The following MAP3K5 variants were observed in gnomAD, a reference collection of about 807,000 sequenced individuals.
MAP3K5 encodes ASK-1.
A neutral mutation model predicts 158.7 loss-of-function variants in MAP3K5; 56 were observed. That is an observed-to-expected ratio of 0.35 (90% CI 0.28 to 0.44). The LOEUF (loss-of-function observed/expected upper bound fraction) is 0.44, where lower values mean the gene tolerates loss of function less well. Ranked by LOEUF, MAP3K5 falls within the 20% of genes least tolerant of loss-of-function variation. The probability of loss-of-function intolerance (pLI) is 1.00; values close to 1 mark genes in which losing one functional copy is unlikely to be tolerated. For synonymous variants in MAP3K5, 579 were observed against 601.7 expected (o/e 0.96, Z 0.55); for missense variants, 1,294 against 1,674.8 (o/e 0.77, Z 3.97).
chr6:136,781,570 C>T (rs1784613392), intron 1 of MAP3K5, among the ~76,000 whole-genome samples: 1 of 152,170 alleles, frequency 6.6e-6, no homozygotes, highest in Non-Finnish European at 1.5e-5. Flanking sequence ...CCTATTCAAC[C>T]ACTTGATTTA....
intron 23 of MAP3K5, among the ~76,000 whole-genome samples, chr6:136,590,104 T>C (rs913411739): frequency 2.0e-4 from 30 of 152,186 alleles, no homozygotes; most frequent in Admixed American, 2.0e-3. Context: ...ATAAAGCCAG[T>C]TGGCTCTCCT....
chr6:136,791,561 G>A, intron 1 of MAP3K5, 149 bp downstream of exon 1: 1 of 809,008 alleles, frequency 1.2e-6, no homozygotes, highest in Non-Finnish European at 2.0e-6. Context: ...AGCGGCGAGC[G>A]ACAGGAGCAG....
intron 7 of MAP3K5, among the ~76,000 whole-genome samples, chr6:136,669,991 TAC>T (rs1779413231): frequency 6.6e-6 from 1 of 151,906 alleles, no homozygotes; most frequent in African/African-American, 2.4e-5. Flanking sequence ...CTTAAAAATA[TAC>T]AGAGCACTGA....
intron 1 of MAP3K5, among the ~76,000 whole-genome samples, chr6:136,760,736 G>A (rs1453510804): frequency 6.6e-6 from 1 of 152,212 alleles, no homozygotes; most frequent in African/African-American, 2.4e-5. Flanking sequence ...TTGGGAGGCT[G>A]AGGTGGGTGG....
At position 136,657,162 on chromosome 6, in the gene MAP3K5, T is replaced by C. The variant is rs373504700; in HGVS notation, c.1527-702A>G. ...TCCTAAATAGACACTTCATAAGAGA[T>C]CATTATTTAGCTCTGAAGCAACTCA... On this transcript the variant is annotated intron_variant, in intron 9 of 29. Coordinates refer to ENST00000359015, the MANE Select transcript of MAP3K5 (RefSeq NM_005923.4). Among the ~76,000 whole-genome samples, 191 of 152,308 alleles carry C rather than the reference T, an allele frequency of 1.3e-3. 4 individuals are homozygous for C. In the South Asian group the frequency reaches 0.039, roughly 31 times the overall value.
chr6:136,694,821 C>T (rs114079277), intron 6 of MAP3K5, among the ~76,000 whole-genome samples: 1,641 of 152,280 alleles, frequency 0.011, 24 homozygotes, highest in African/African-American at 0.036. Flanking sequence ...AAGGAAGTTG[C>T]TTTATGTAGC....
chr6:136,728,670 A>G (rs893812855), intron 1 of MAP3K5, among the ~76,000 whole-genome samples: 1 of 152,202 alleles, frequency 6.6e-6, no homozygotes, highest in Non-Finnish European at 1.5e-5. Context: ...AACTCTAATA[A>G]ATGTATGCAT....
chr6:136,562,696 A>T, intron 26 of MAP3K5, 81 bp from the exon 27 acceptor site: 2 of 702,084 alleles, frequency 2.8e-6, no homozygotes, highest in Non-Finnish European at 4.7e-6. Context: ...TTTAGATACA[A>T]GGTCTCTCTC....
At chr6:136,759,479 T>TATATATATATATATATAA in intron 1 of MAP3K5, among the ~76,000 whole-genome samples, 1 of 142,730 alleles carries the variant, frequency 7.0e-6, no homozygotes, top group Non-Finnish European at 1.5e-5. Context: ...TATATATATA[T>TATATATATATATATATAA]ATAAAGTTTG....
At chr6:136,720,347 A>C in intron 2 of MAP3K5, 103 bp downstream of exon 2, 1 of 1,129,006 alleles carries the variant, frequency 8.9e-7, no homozygotes, top group Non-Finnish European at 1.2e-6. Flanking sequence ...CAAACATATA[A>C]AAGTCTTTCA....
intron 21 of MAP3K5, among the ~76,000 whole-genome samples, chr6:136,600,633 A>AT (rs1775833658): frequency 6.6e-6 from 1 of 152,198 alleles, no homozygotes. Flanking sequence ...GCCACTAAAA[A>AT]TAGAATGTAT....
chr6:136,642,040 T>TA (rs1233406399), intron 12 of MAP3K5, among the ~76,000 whole-genome samples: 106 of 106,964 alleles, frequency 9.9e-4, no homozygotes, highest in African/African-American at 2.4e-3. Context: ...AAAAATAAAA[T>TA]AAAATAAAAT....
chr6:136,693,276 A>T (rs1192502715), intron 7 of MAP3K5, among the ~76,000 whole-genome samples: 1 of 152,266 alleles, frequency 6.6e-6, no homozygotes, highest in South Asian at 2.1e-4. Context: ...TTGTTTGTCT[A>T]TGCCTATAGC....
chr6:136,737,830 G>A (rs192376875), intron 1 of MAP3K5, among the ~76,000 whole-genome samples: 2 of 152,302 alleles, frequency 1.3e-5, no homozygotes, highest in South Asian at 2.1e-4. Flanking sequence ...AGATGTAAAT[G>A]TTCTTTGGGA....
At chr6:136,793,005 A>G (rs143817246), upstream of MAP3K5, among the ~76,000 whole-genome samples, 1 of 152,164 alleles carries the variant, frequency 6.6e-6, no homozygotes, top group African/African-American at 2.4e-5. Flanking sequence ...ATAGGGTCCC[A>G]GTCTTCACCC....
In MAP3K5 at chr6:136,720,395, G is replaced by A. The variant is rs898472323; in HGVS notation, c.588+55C>T. 1.9e-5 allele frequency: 28 copies of A among 1,460,108 alleles called. No individual in the cohort carries two copies. In the African/African-American group the frequency reaches 2.2e-4, roughly 11 times the overall value. The allele number at this position is 1,460,108 out of a possible 1,614,324, so 90.4% of individuals were successfully genotyped here. ...ACTTAAAATGTTTGGATGACAAACCGGTATCCCTGAAATGCTGATGTTAAA... is the reference window on the plus strand; with the variant it reads ...ACTTAAAATGTTTGGATGACAAACCAGTATCCCTGAAATGCTGATGTTAAA... On this transcript the variant is annotated intron_variant, in intron 2 of 29. Transcript: ENST00000359015.
At chr6:136,590,152 T>C (rs1775319516) in intron 23 of MAP3K5, among the ~76,000 whole-genome samples, 1 of 152,176 alleles carries the variant, frequency 6.6e-6, no homozygotes, top group Admixed American at 6.5e-5. Flanking sequence ...CCACTGCCTT[T>C]CTACTTTCTA....
intron 25 of MAP3K5, among the ~76,000 whole-genome samples, chr6:136,568,367 T>C (rs959305470): frequency 2.0e-5 from 3 of 152,150 alleles, no homozygotes; most frequent in African/African-American, 7.2e-5. Context: ...ACATCCAAAA[T>C]GTAAGGGGAT....
intron 1 of MAP3K5, among the ~76,000 whole-genome samples, chr6:136,737,031 G>GTATATATATATATATATA: frequency 1.5e-5 from 1 of 67,444 alleles, no homozygotes; most frequent in Non-Finnish European, 3.0e-5. Flanking sequence ...ATATATATAT[G>GTATATATATATATATATA]TGTGTGTATA....
Sources: gnomAD v4.1 joint callset for allele counts (sites outside exome capture counted in the v4.1 genomes callset) on GRCh38, gnomAD v4.1.1 for gene constraint, MANE v1.5 for transcripts, NCBI Gene and HGNC (gene_info 2026-07-23, HGNC 2026-07-21) for gene names.